Variants in EPHA5 observed in about 807,000 individuals in gnomAD.
The protein encoded by EPHA5 is ephrin type-A receptor 5.
A neutral mutation model predicts 105.0 loss-of-function variants in EPHA5; 60 were observed. That is an observed-to-expected ratio of 0.57 (90% CI 0.46 to 0.71). EPHA5 has a LOEUF of 0.71. Ranked by LOEUF, EPHA5 falls within the 30% of genes least tolerant of loss-of-function variation. The probability of loss-of-function intolerance (pLI) is 0.00; values close to 1 mark genes in which losing one functional copy is unlikely to be tolerated. For synonymous variants in EPHA5, 513 were observed against 449.1 expected (o/e 1.14, Z -1.80); for missense variants, 1,218 against 1,274.7 (o/e 0.96, Z 0.68).
At chr4:65,662,692 T>A (rs1332299727) in intron 1 of EPHA5, among the ~76,000 whole-genome samples, 2 of 150,056 alleles carry the variant, frequency 1.3e-5, no homozygotes, top group African/African-American at 2.4e-5. Context: ...AAAATTAGAA[T>A]ATGTGAGTGT....
rs1392105200 is a variant in EPHA5, at chr4:65,320,541, G to A, written c.*3573C>T. On this transcript the variant is annotated 3_prime_UTR_variant, in exon 17 of 17. Transcript: ENST00000613740. ...AAATTTCTAACACCTGACTCAAATA[G>A]TGTTTGCCATCCAATGCACTTTTAT... 1 of 229,272 alleles carries A rather than the reference G, an allele frequency of 4.4e-6. No homozygotes were observed. Among genetic ancestry groups the A allele is most frequent in the Non-Finnish European group, 8.6e-6 (1 of 115,616 alleles). The allele number at this position is 229,272 out of a possible 1,614,324, so 14.2% of individuals were successfully genotyped here.
At chr4:65,556,878 G>T (rs1738494180) in intron 3 of EPHA5, among the ~76,000 whole-genome samples, 2 of 151,898 alleles carry the variant, frequency 1.3e-5, no homozygotes, top group Admixed American at 6.6e-5. Flanking sequence ...TAAAAATTCA[G>T]CTTTTTGTGG....
intron 8 of EPHA5, among the ~76,000 whole-genome samples, chr4:65,393,414 A>G (rs1720913215): frequency 6.6e-6 from 1 of 152,162 alleles, no homozygotes; most frequent in Non-Finnish European, 1.5e-5. Context: ...TGAGAGCCCT[A>G]AAGTCAAATC....
At chr4:65,611,743 G>A (rs1744779266) in intron 2 of EPHA5, among the ~76,000 whole-genome samples, 1 of 151,696 alleles carries the variant, frequency 6.6e-6, no homozygotes, top group South Asian at 2.1e-4. Context: ...TGATGTTCTT[G>A]TAATCAGTGG....
At chr4:65,423,404 G>A (rs1437956193) in intron 5 of EPHA5, among the ~76,000 whole-genome samples, 1 of 151,878 alleles carries the variant, frequency 6.6e-6, no homozygotes, top group Non-Finnish European at 1.5e-5. Context: ...CCACATTTAA[G>A]GAGTGGGAAT....
intron 2 of EPHA5, among the ~76,000 whole-genome samples, chr4:65,615,869 A>G (rs1745187194): frequency 6.6e-6 from 1 of 151,950 alleles, no homozygotes; most frequent in Admixed American, 6.6e-5. Flanking sequence ...GCACATGGAT[A>G]ACAGGAAATT....
At chr4:65,324,801 A>G (rs1369900887) in intron 16 of EPHA5, among the ~76,000 whole-genome samples, 1 of 149,576 alleles carries the variant, frequency 6.7e-6, no homozygotes, top group Non-Finnish European at 1.5e-5. Flanking sequence ...TTAATCAAAT[A>G]ACATCCAAGC....
At chr4:65,569,852 T>C (rs1206492148) in intron 3 of EPHA5, among the ~76,000 whole-genome samples, 1 of 151,710 alleles carries the variant, frequency 6.6e-6, no homozygotes, top group East Asian at 1.9e-4. Flanking sequence ...CATACCCTCA[T>C]CCTCCATTTC....
At chr4:65,510,454 C>G (rs557308464) in intron 3 of EPHA5, among the ~76,000 whole-genome samples, 177 of 152,154 alleles carry the variant, frequency 1.2e-3, no homozygotes, top group Non-Finnish European at 1.9e-3. Flanking sequence ...ACAGTATCTT[C>G]TCTTTTGGTT....
intron 5 of EPHA5, among the ~76,000 whole-genome samples, chr4:65,465,535 AG>A (rs374708415): frequency 0.061 from 4,129 of 67,470 alleles, 142 homozygotes; most frequent in East Asian, 0.088. Flanking sequence ...AAGAAAAGAA[AG>A]GAAAGGAAGG....
At chr4:65,372,922 T>C (rs939830307) in intron 8 of EPHA5, among the ~76,000 whole-genome samples, 2 of 151,924 alleles carry the variant, frequency 1.3e-5, no homozygotes, top group Admixed American at 1.3e-4. Context: ...TAGGAAAACC[T>C]GAACAATTTC....
intron 5 of EPHA5, among the ~76,000 whole-genome samples, chr4:65,432,889 T>G (rs1725112873): frequency 6.6e-6 from 1 of 151,744 alleles, no homozygotes; most frequent in Admixed American, 6.6e-5. Flanking sequence ...GTAAATATAT[T>G]TAGTGCCTCT....
chr4:65,372,105 G>T (rs1355182511), intron 8 of EPHA5, among the ~76,000 whole-genome samples: 1 of 151,896 alleles, frequency 6.6e-6, no homozygotes, highest in African/African-American at 2.4e-5. Context: ...ACACTCACGT[G>T]TTCTGACATA....
intron 2 of EPHA5, among the ~76,000 whole-genome samples, chr4:65,638,735 G>A (rs777879499): frequency 1.1e-4 from 17 of 152,090 alleles, no homozygotes; most frequent in Admixed American, 3.3e-4. Context: ...GTGAAACTCC[G>A]TCTCAAAAAC....
intron 2 of EPHA5, among the ~76,000 whole-genome samples, chr4:65,636,628 C>T (rs1193883796): frequency 6.6e-6 from 1 of 151,728 alleles, no homozygotes; most frequent in African/African-American, 2.4e-5. Context: ...TTTTTCATAG[C>T]AAGATAGAAT....
chr4:65,344,903 A>C (rs903789489), intron 14 of EPHA5, among the ~76,000 whole-genome samples: 5 of 152,150 alleles, frequency 3.3e-5, no homozygotes, highest in Admixed American at 6.5e-5. Flanking sequence ...AATGAAAGAG[A>C]GGTAGGAGAC....
chr4:65,488,824 G>T (rs1366406946), intron 5 of EPHA5, among the ~76,000 whole-genome samples: 1 of 150,866 alleles, frequency 6.6e-6, no homozygotes, highest in Non-Finnish European at 1.5e-5. Context: ...GGCTAATTTT[G>T]AATGTTTCCG....
chr4:65,498,844 T>C (rs1356987959), intron 3 of EPHA5, among the ~76,000 whole-genome samples: 1 of 151,678 alleles, frequency 6.6e-6, no homozygotes, highest in African/African-American at 2.4e-5. Flanking sequence ...GGTTCAATAT[T>C]ATCCAAGAAA....
rs368347295 is a variant in EPHA5 at position 65,322,346 on chromosome 4, C to A, written c.*1768G>T. 3.8e-4 allele frequency: 85 copies of A among 223,618 alleles called. No individual in the cohort carries two copies. The East Asian group carries it at 5.0e-3, about 13-fold the overall frequency. 13.9% of individuals were successfully genotyped at this position (223,618 alleles called of 1,614,324 possible). Reference sequence around the variant, plus strand: ...TATATGTGCTAATATTCAAATAAAACAAGTGCTTGGAAAAAAGAATACCAT... The same window carrying A: ...TATATGTGCTAATATTCAAATAAAAAAAGTGCTTGGAAAAAAGAATACCAT... On this transcript the variant is annotated 3_prime_UTR_variant, in exon 17 of 17. Coordinates refer to ENST00000613740, the MANE Select transcript of EPHA5 (RefSeq NM_001281766.3).
Sources: allele counts gnomAD v4.1 joint callset (sites outside exome capture counted in the v4.1 genomes callset), GRCh38; gene constraint gnomAD v4.1.1; transcripts MANE v1.5; gene names NCBI Gene and HGNC (gene_info 2026-07-23, HGNC 2026-07-21).